Variants in PLCL1 observed in about 807,000 individuals in gnomAD.
PLCL1 encodes the protein phospholipase C like 1 (inactive), also known as inactive phospholipase C-like protein 1.
Under a neutral mutation model 84.4 loss-of-function variants are expected in PLCL1, and 41 were observed. The observed-to-expected ratio is 0.49, with a 90% CI of 0.38 to 0.63. PLCL1 has a LOEUF of 0.63. PLCL1 is among the 30% of genes least tolerant of loss of function. The pLI is 0.00. For synonymous variants in PLCL1, 490 were observed against 488.3 expected (o/e 1.00, Z -0.05); for missense variants, 1,206 against 1,367.8 (o/e 0.88, Z 1.87).
chr2:197,883,637 GC>G, intron 1 of PLCL1, among the ~76,000 whole-genome samples: 1 of 152,246 alleles, frequency 6.6e-6, no homozygotes, highest in South Asian at 2.1e-4. Context: ...ATATTTAGTT[GC>G]AAGAGCAACT....
intron 5 of PLCL1, among the ~76,000 whole-genome samples, chr2:198,135,239 C>T (rs373911353): frequency 1.3e-5 from 2 of 152,104 alleles, no homozygotes; most frequent in African/African-American, 4.8e-5. Flanking sequence ...ATTTATTATC[C>T]ATGGAAAGTT....
At chr2:198,009,003 T>C (rs1051296066) in intron 1 of PLCL1, among the ~76,000 whole-genome samples, 2 of 152,086 alleles carry the variant, frequency 1.3e-5, no homozygotes, top group African/African-American at 4.8e-5. Flanking sequence ...TATATCTTCT[T>C]TGGAGAAATG....
At chr2:197,904,812 TTTTG>T (rs1440717167) in intron 1 of PLCL1, among the ~76,000 whole-genome samples, 2 of 152,104 alleles carry the variant, frequency 1.3e-5, no homozygotes, top group African/African-American at 2.4e-5. Flanking sequence ...TGAAGAAAAA[TTTTG>T]TTTGTTGCAT....
chr2:198,130,355 G>A (rs1694090879), intron 5 of PLCL1, among the ~76,000 whole-genome samples: 1 of 152,026 alleles, frequency 6.6e-6, no homozygotes, highest in Admixed American at 6.5e-5. Flanking sequence ...ATTTCTTAGG[G>A]TTCTAGCTTA....
intron 1 of PLCL1, among the ~76,000 whole-genome samples, chr2:198,031,651 G>A (rs1186529987): frequency 7.5e-6 from 1 of 132,536 alleles, no homozygotes; most frequent in Non-Finnish European, 1.6e-5. Flanking sequence ...CACCGTGAAT[G>A]GCCAGTGCTT....
At chr2:197,806,513 T>C (rs1690487470) in intron 1 of PLCL1, among the ~76,000 whole-genome samples, 1 of 152,162 alleles carries the variant, frequency 6.6e-6, no homozygotes, top group African/African-American at 2.4e-5. Flanking sequence ...CACATGGAAG[T>C]TTAAAATCAG....
At chr2:197,818,051 T>C (rs549103371) in intron 1 of PLCL1, among the ~76,000 whole-genome samples, 5 of 152,182 alleles carry the variant, frequency 3.3e-5, no homozygotes, top group African/African-American at 4.8e-5. Flanking sequence ...ATAGTGATGA[T>C]TGGCGTTAAA....
intron 1 of PLCL1, among the ~76,000 whole-genome samples, chr2:198,053,151 G>A (rs187595265): frequency 6.6e-6 from 1 of 152,272 alleles, no homozygotes; most frequent in Admixed American, 6.5e-5. Context: ...ATATAAAATG[G>A]GAAGTCAGTA....
chr2:197,900,138 G>A (rs1240349122), intron 1 of PLCL1, among the ~76,000 whole-genome samples: 1 of 152,174 alleles, frequency 6.6e-6, no homozygotes, highest in Non-Finnish European at 1.5e-5. Context: ...TAAAATGTAA[G>A]CTCTTTGAGA....
intron 5 of PLCL1, among the ~76,000 whole-genome samples, chr2:198,132,316 GC>G (rs1240035727): frequency 3.9e-5 from 6 of 152,242 alleles, no homozygotes; most frequent in Admixed American, 6.5e-5. Context: ...TTAGAGCAGG[GC>G]CATTCCAACT....
intron 1 of PLCL1, among the ~76,000 whole-genome samples, chr2:197,831,998 C>CTAAAGCAGTGTTTAGAGGGAAACT (rs1691078061): frequency 6.6e-6 from 1 of 152,126 alleles, no homozygotes. Flanking sequence ...TGGGACACAG[C>CTAAAGCAGTGTTTAGAGGGAAACT]TAAAGCAGTG....
At chr2:198,098,998 C>A (rs1037457932) in intron 3 of PLCL1, among the ~76,000 whole-genome samples, 1 of 152,114 alleles carries the variant, frequency 6.6e-6, no homozygotes, top group African/African-American at 2.4e-5. Flanking sequence ...CTTTTAGAGA[C>A]AAAGCCCTGA....
At chr2:197,919,151 T>C (rs960277246) in intron 1 of PLCL1, among the ~76,000 whole-genome samples, 11 of 152,078 alleles carry the variant, frequency 7.2e-5, no homozygotes, top group African/African-American at 2.2e-4. Flanking sequence ...GAAATGAACA[T>C]GCAAATGGAG....
intron 1 of PLCL1, among the ~76,000 whole-genome samples, chr2:197,834,151 T>C (rs936185846): frequency 6.6e-6 from 1 of 152,148 alleles, no homozygotes; most frequent in Non-Finnish European, 1.5e-5. Context: ...TTAAACCTTA[T>C]GCAAAATTTA....
intron 1 of PLCL1, among the ~76,000 whole-genome samples, chr2:198,061,573 C>T (rs974988181): frequency 2.0e-5 from 3 of 148,960 alleles, no homozygotes; most frequent in Admixed American, 6.8e-5. Context: ...ATTATCAAAT[C>T]ATTCCTCCAT....
chr2:198,051,959 G>T (rs1307122135), intron 1 of PLCL1, among the ~76,000 whole-genome samples: 1 of 151,610 alleles, frequency 6.6e-6, no homozygotes, highest in East Asian at 1.9e-4. Context: ...GTCCAGGCTG[G>T]AGTGCAATGG....
In PLCL1 at chr2:198,088,898, C is replaced by T; in HGVS notation, c.2756C>T (p.Pro919Leu). 1 of 1,612,932 alleles carries T rather than the reference C, an allele frequency of 6.2e-7. No individual in the cohort carries two copies. Among genetic ancestry groups the T allele is most frequent in the South Asian group, 1.1e-5 (1 of 91,058 alleles). Residue 919 changes from proline to leucine, a missense_variant, in exon 3 of 6, where the codon CCA (proline) becomes CTA (leucine). Transcript: ENST00000428675. Reference protein sequence around the residue: ...VSIKELCGLPPIASLKQCLLT... With the variant: ...VSIKELCGLPLIASLKQCLLT... Reference sequence around the variant, plus strand: ...ATTAAGGAACTATGTGGACTCCCTCCAATTGCCAGTCTGAAGCAGTGCCTG... The same window carrying T: ...ATTAAGGAACTATGTGGACTCCCTCTAATTGCCAGTCTGAAGCAGTGCCTG...
intron 1 of PLCL1, among the ~76,000 whole-genome samples, chr2:197,810,634 T>C (rs1483182138): frequency 6.6e-6 from 1 of 152,118 alleles, no homozygotes; most frequent in Non-Finnish European, 1.5e-5. Context: ...TGAAAAGATA[T>C]CAGGAGACAG....
intron 1 of PLCL1, among the ~76,000 whole-genome samples, chr2:198,034,426 G>A (rs1260484812): frequency 2.6e-5 from 4 of 152,092 alleles, no homozygotes; most frequent in African/African-American, 7.2e-5. Context: ...ACTTGCACAC[G>A]TATGTTTACT....
Sources: gnomAD v4.1 joint callset for allele counts (sites outside exome capture counted in the v4.1 genomes callset) on GRCh38, gnomAD v4.1.1 for gene constraint, MANE v1.5 for transcripts, NCBI Gene and HGNC (gene_info 2026-07-23, HGNC 2026-07-21) for gene names.